DNA2: variants seen among roughly 807,000 people sequenced by gnomAD.
DNA2 encodes the protein DNA replication helicase/nuclease 2.
A neutral mutation model predicts 119.1 loss-of-function variants in DNA2; 101 were observed. That is an observed-to-expected ratio of 0.85 (90% CI 0.72 to 1.00). The LOEUF (loss-of-function observed/expected upper bound fraction) is 1.00, where lower values mean the gene tolerates loss of function less well. Ranked by LOEUF, DNA2 falls within the 50% of genes least tolerant of loss-of-function variation. The pLI, the probability that DNA2 is intolerant of heterozygous loss-of-function variation, is 0.00. For missense variants in DNA2, 1,121 were observed against 1,255.5 expected (o/e 0.89, Z 1.62); for synonymous variants, 366 against 424.4 (o/e 0.86, Z 1.69).
At chr10:68,419,974 C>A in intron 17 of DNA2, 82 bp from the exon 18 acceptor site, 1 of 1,072,334 alleles carries the variant, frequency 9.3e-7, no homozygotes, top group East Asian at 2.4e-5. Context: ...AAAGACTATA[C>A]TACCGACTTG....
intron 4 of DNA2, among the ~76,000 whole-genome samples, chr10:68,460,895 G>A (rs548049875): frequency 8.7e-4 from 127 of 146,366 alleles, no homozygotes; most frequent in African/African-American, 3.2e-3. Flanking sequence ...GGGTGACAGA[G>A]TGAGACCCTG....
At chr10:68,472,436 A>G (rs2052394250), upstream of DNA2, among the ~76,000 whole-genome samples, 1 of 152,184 alleles carries the variant, frequency 6.6e-6, no homozygotes, top group South Asian at 2.1e-4. Flanking sequence ...TGCCACGGCT[A>G]AATCTACAAA....
At position 68,468,245 on chromosome 10, in the gene DNA2, T is replaced by C. The variant is rs1295436837; in HGVS notation, c.319A>G (p.Thr107Ala). 6 of 1,611,844 alleles carry C rather than the reference T, an allele frequency of 3.7e-6. No individual in the cohort carries two copies. In the East Asian group the frequency reaches 1.3e-4, roughly 36 times the overall value. Residue 107 changes from threonine to alanine, a missense_variant, in exon 3 of 21, where the codon ACT becomes GCT. By Grantham distance (58) the Thr-to-Ala change is moderately conservative (BLOSUM62 0). Transcript: ENST00000358410. ...CCAAAATCTTTATCTATTATCCAAGTGTCAGATGTGCAGTCTCCCTCCAAA... is the reference window on the plus strand; with the variant it reads ...CCAAAATCTTTATCTATTATCCAAGCGTCAGATGTGCAGTCTCCCTCCAAA... Reference protein sequence around the residue: ...IHLEGDCTSDTWIIDKDFGYL... With the variant: ...IHLEGDCTSDAWIIDKDFGYL...
Position 68,469,970 on chromosome 10 carries a change from A to G in DNA2, c.257+11T>C. On this transcript the variant is annotated intron_variant, in intron 2 of 20. Coordinates refer to ENST00000358410, the MANE Select transcript of DNA2 (RefSeq NM_001080449.3). ...GATTCAAATCGGTGCTCAAAGTCAC[A>G]TAAAAATTACCAGTCATTCCTAAGG... 1 of 1,591,764 alleles carries G rather than the reference A, an allele frequency of 6.3e-7. No individual in the cohort carries two copies.
In DNA2 at chr10:68,427,804, C is replaced by T. The variant is rs973985939; in HGVS notation, c.2208+2632G>A. Among the ~76,000 whole-genome samples, 17 of 151,948 alleles carry T rather than the reference C, an allele frequency of 1.1e-4. 1 individual carries two copies. The highest frequency in any genetic ancestry group is 3.6e-4 in the African/African-American group (15 of 41,376). The stretch of plus-strand genomic sequence containing the variant: ...ATCCCAGCACTTTGGGAGGCCAAGG[C>T]GGGTGGATCACGAGGTCGGGAGCTC... On this transcript the variant is annotated intron_variant, in intron 14 of 20. Coordinates refer to ENST00000358410, the MANE Select transcript of DNA2 (RefSeq NM_001080449.3).
chr10:68,441,202 C>T (rs149388253), intron 9 of DNA2, among the ~76,000 whole-genome samples: 1 of 151,314 alleles, frequency 6.6e-6, no homozygotes, highest in Non-Finnish European at 1.5e-5. Flanking sequence ...TGGTGGTGCA[C>T]ACCTATGGTC....
intron 5 of DNA2, 127 bp downstream of exon 5, chr10:68,458,977 A>G: frequency 1.2e-6 from 1 of 819,144 alleles, no homozygotes; most frequent in Non-Finnish European, 1.7e-6. Flanking sequence ...ACCATAATTT[A>G]TAAAATAAGC....
intron 5 of DNA2, among the ~76,000 whole-genome samples, chr10:68,454,240 G>GGTATACCAGGTATATTA (rs2133422041): frequency 6.6e-6 from 1 of 151,990 alleles, no homozygotes; most frequent in South Asian, 2.1e-4. Context: ...TGTAACAACA[G>GGTATACCAGGTATATTA]TACCTGGTAT....
Position 68,450,186 on chromosome 10 carries a change from T to C in DNA2, c.781A>G (p.Ile261Val). The change falls in exon 6 of 21, where the codon ATT (isoleucine) becomes GTT (valine). Residue 261 changes from isoleucine to valine, a missense_variant. Ile to Val is a conservative substitution (Grantham distance 29). Transcript: ENST00000358410. ...CTAGGGGACCAAATGCTTTCTTCAA[T>C]ATCCATTGGTTTCACGACTTCAATG... Reference protein sequence around the residue: ...CNIEVVKPMDIEESIWSPRFG... With the variant: ...CNIEVVKPMDVEESIWSPRFG... 3 of 1,604,644 alleles carry C rather than the reference T, an allele frequency of 1.9e-6. No homozygotes were observed. The highest frequency in any genetic ancestry group is 1.3e-5 in the African/African-American group (1 of 74,900).
rs61855090 is a variant in DNA2 at position 68,431,874 on chromosome 10, C to A, written c.1971G>T (p.Thr657=). 2 of 1,609,026 alleles carry A rather than the reference C, an allele frequency of 1.2e-6. No homozygotes were observed. Among genetic ancestry groups the A allele is most frequent in the African/African-American group, 1.3e-5 (1 of 74,760 alleles). Residue 657 remains threonine, a synonymous_variant, in exon 13 of 21, where the codon ACG becomes ACT. Transcript: ENST00000358410. ...VGMPGTGKTT[T]ICTLVRILYA... ...ATAATAACCTTACGAGAGTACATAT[C>A]GTAGTTGTTTTTCCTGTCCCAGGCA...
chr10:68,454,356 C>CA (rs562333641), intron 5 of DNA2, among the ~76,000 whole-genome samples: 7,321 of 116,242 alleles, frequency 0.063, 542 homozygotes, highest in African/African-American at 0.2. Flanking sequence ...TAATTTTAAC[C>CA]AAAAAAAAAA....
At chr10:68,428,717 C>T (rs931570666) in intron 14 of DNA2, among the ~76,000 whole-genome samples, 11 of 152,300 alleles carry the variant, frequency 7.2e-5, no homozygotes, top group East Asian at 1.9e-4. Flanking sequence ...AAACACCAAT[C>T]CCAAAAGGCT....
intron 15 of DNA2, 29 bp from the exon 16 acceptor site, chr10:68,422,633 A>G (rs1363592869): frequency 1.2e-6 from 2 of 1,613,022 alleles, no homozygotes; most frequent in Non-Finnish European, 1.7e-6. Flanking sequence ...CATGTTTATC[A>G]GTGTACTAAA....
chr10:68,434,221 A>G (rs891817336), intron 10 of DNA2, among the ~76,000 whole-genome samples: 7 of 151,980 alleles, frequency 4.6e-5, no homozygotes, highest in Admixed American at 2.0e-4. Flanking sequence ...GCTGCAGTGA[A>G]CTGAGATCGT....
chr10:68,471,250 A>G (rs112507936), intron 1 of DNA2, among the ~76,000 whole-genome samples: 262 of 152,302 alleles, frequency 1.7e-3, no homozygotes, highest in Non-Finnish European at 3.3e-3. Flanking sequence ...TCAGGCCATG[A>G]ATTTCGCAAG....
intron 19 of DNA2, among the ~76,000 whole-genome samples, chr10:68,418,303 T>C (rs947230088): frequency 2.0e-5 from 3 of 151,820 alleles, no homozygotes; most frequent in African/African-American, 7.3e-5. Context: ...TCCCAGCTAT[T>C]TGGGAGGCTG....
intron 20 of DNA2, 167 bp downstream of exon 20, chr10:68,416,542 T>A (rs1372340495): frequency 3.2e-6 from 2 of 616,032 alleles, no homozygotes; most frequent in Non-Finnish European, 2.9e-6. Flanking sequence ...GGGCCGTGGC[T>A]CACATCTGTA....
rs1377534205 is a variant in DNA2, at chr10:68,448,956, TGTGTGTGTGTGC to T, written c.939+1060_939+1071del. 7.8e-4 allele frequency among the ~76,000 whole-genome samples: 99 copies of T among 126,962 alleles called. 2 individuals are homozygous for T. The highest frequency in any genetic ancestry group is 2.7e-3 in the East Asian group (10 of 3,664). The allele number at this position is 126,962 out of a possible 152,430, so 83.3% of individuals were successfully genotyped here. A position where few individuals can be genotyped will look rare whatever the true frequency, so the allele number is the denominator to read the frequency against. On this transcript the variant is annotated intron_variant, in intron 6 of 20. Transcript: ENST00000358410. ...AGGTGTGTGTGTGTGTGTGTGTGTG[TGTGTGTGTGTGC>T]GTGTGTGTGTGTGTGTGTAGTAGTT...
At chr10:68,452,965 A>G (rs1191651602) in intron 5 of DNA2, among the ~76,000 whole-genome samples, 1 of 151,252 alleles carries the variant, frequency 6.6e-6, no homozygotes, top group Non-Finnish European at 1.5e-5. Flanking sequence ...TAGTGGTGCA[A>G]TCTCGGCTCA....
Sources: allele counts gnomAD v4.1 joint callset (sites outside exome capture counted in the v4.1 genomes callset), GRCh38; gene constraint gnomAD v4.1.1; transcripts MANE v1.5; gene names NCBI Gene and HGNC (gene_info 2026-07-23, HGNC 2026-07-21).